The following CBLC variants were observed in gnomAD, a reference collection of about 807,000 sequenced individuals.
The protein encoded by CBLC is Cbl proto-oncogene C.
CBLC carries 46 observed loss-of-function variants against 58.6 expected under a neutral mutation model. That is an observed-to-expected ratio of 0.79 (90% CI 0.62 to 1.00). The LOEUF (loss-of-function observed/expected upper bound fraction) is 1.00. CBLC is among the 50% of genes least tolerant of loss of function. The pLI, the probability that CBLC is intolerant of heterozygous loss-of-function variation, is 0.00. For synonymous variants in CBLC, 271 were observed against 264.2 expected (o/e 1.03, Z -0.25); for missense variants, 655 against 625.8 (o/e 1.05, Z -0.50).
At position 44,778,075 on chromosome 19, in the gene CBLC, GC is replaced by G. The variant is rs1379986656; in HGVS notation, c.148del (p.Arg50AlafsTer229). 1.9e-6 allele frequency: 3 copies of G among 1,608,226 alleles called. No individual in the cohort carries two copies. Among genetic ancestry groups the G allele is most frequent in the Non-Finnish European group, 2.5e-6 (3 of 1,179,568 alleles). The part of the protein sequence containing the change: ...VSPPSLRDLL[P>X]RTAQLLREVA... Reference sequence around the variant, plus strand: ...GTCCCCCTTCGCTGCGGGACCTGCTGCCCCGCACAGCGCAGCTGCTTCGAGA... The same window carrying G: ...GTCCCCCTTCGCTGCGGGACCTGCTGCCCGCACAGCGCAGCTGCTTCGAGA... On this transcript the variant is annotated frameshift_variant, in exon 1 of 11. Coordinates refer to ENST00000647358, the MANE Select transcript of CBLC (RefSeq NM_012116.4). LOFTEE classifies it high-confidence loss of function.
chr19:44,793,710 A>AAGG, intron 8 of CBLC, 90 bp downstream of exon 8: 34 of 1,272,574 alleles, frequency 2.7e-5, no homozygotes, highest in African/African-American at 4.6e-5. Flanking sequence ...CTGAGGGAGG[A>AAGG]GAGACTGGGG....
intron 7 of CBLC, among the ~76,000 whole-genome samples, chr19:44,792,898 G>A (rs1458126407): frequency 6.6e-6 from 1 of 152,118 alleles, no homozygotes; most frequent in East Asian, 1.9e-4. Context: ...TGTAATCTCA[G>A]CACTTTGGGA....
chr19:44,784,950 G>GTTTGTTTTT (rs1967850075), intron 5 of CBLC, among the ~76,000 whole-genome samples: 6 of 34,372 alleles, frequency 1.7e-4, no homozygotes, highest in South Asian at 1.2e-3. Flanking sequence ...CTAGACAGGT[G>GTTTGTTTTT]TTTTTTTTTT....
intron 9 of CBLC, 97 bp from the exon 10 acceptor site, chr19:44,800,284 G>T: frequency 1.2e-6 from 1 of 832,358 alleles, no homozygotes; most frequent in South Asian, 1.4e-5. Flanking sequence ...GGTGGTCTGG[G>T]ACTCCCAGGT....
At chr19:44,788,479 CT>C (rs1293573931) in intron 5 of CBLC, among the ~76,000 whole-genome samples, 2,895 of 118,546 alleles carry the variant, frequency 0.024, 23 homozygotes, top group African/African-American at 0.043. Context: ...TTTAAAATTT[CT>C]TTTTTTTTTT....
intron 8 of CBLC, chr19:44,794,000 G>A: frequency 5.4e-6 from 2 of 372,976 alleles, no homozygotes; most frequent in Non-Finnish European, 7.4e-6. Flanking sequence ...CAGGTCCTAG[G>A]GAACTGGTCT....
chr19:44,784,956 T>TTTTG (rs1599862347), intron 5 of CBLC, among the ~76,000 whole-genome samples: 6 of 91,566 alleles, frequency 6.6e-5, no homozygotes, highest in East Asian at 5.7e-4. Flanking sequence ...AGGTGTTTTT[T>TTTTG]TTTTTTTTTT....
At chr19:44,795,100 G>A (rs182654614) in intron 9 of CBLC, among the ~76,000 whole-genome samples, 1 of 152,144 alleles carries the variant, frequency 6.6e-6, no homozygotes, top group African/African-American at 2.4e-5. Flanking sequence ...TGGGACTACA[G>A]GCACCCACCA....
intron 9 of CBLC, 120 bp downstream of exon 9, chr19:44,794,401 G>A (rs1231402769): frequency 6.7e-6 from 5 of 742,846 alleles, no homozygotes; most frequent in Non-Finnish European, 1.1e-5. Flanking sequence ...CCATTTCCAA[G>A]GCACCCATCC....
At chr19:44,789,658 T>C (rs561179812) in intron 5 of CBLC, among the ~76,000 whole-genome samples, 1 of 152,338 alleles carries the variant, frequency 6.6e-6, no homozygotes, top group South Asian at 2.1e-4. Flanking sequence ...CCCAAAGTGC[T>C]GGGATTACAG....
rs1236477787 is a variant in CBLC, at chr19:44,792,425, C to T, written c.1048C>T (p.Leu350Phe). 6.2e-7 allele frequency: 1 copy of T among 1,613,736 alleles called. No homozygotes were observed. Among genetic ancestry groups the T allele is most frequent in the Non-Finnish European group, 8.5e-7 (1 of 1,179,928 alleles). ...CTGGGCCATGGACTCCACATTTGAG[C>T]TCTGCAAGATCTGTGCTGAGAGCAA... is the stretch of plus-strand genomic sequence containing the variant. Reference protein sequence around the residue: ...LYWAMDSTFELCKICAESNKD... With the variant: ...LYWAMDSTFEFCKICAESNKD... The change falls in exon 7 of 11, where the codon CTC (leucine) becomes TTC (phenylalanine). Residue 350 changes from leucine (L) to phenylalanine (F), a missense_variant. By Grantham distance (22) the Leu-to-Phe change is conservative. Coordinates refer to ENST00000647358, the MANE Select transcript of CBLC (RefSeq NM_012116.4).
At position 44,778,295 on chromosome 19, in the gene CBLC, G is replaced by C; in HGVS notation, c.353+11G>C. On this transcript the variant is annotated intron_variant, in intron 1 of 10. Coordinates refer to ENST00000647358, the MANE Select transcript of CBLC (RefSeq NM_012116.4). The stretch of plus-strand genomic sequence containing the variant: ...GGGCTCCAGACTCAGGTGAGCCTTC[G>C]CCCCAGAACAAAGTCCTCTGGGGTG... The C allele has an allele frequency of 3.5e-6, 5 of 1,425,114 alleles. No homozygotes were observed. Among genetic ancestry groups the C allele is most frequent in the Non-Finnish European group, 4.6e-6 (5 of 1,093,204 alleles). The allele number at this position is 1,425,114 out of a possible 1,614,324, so 88.3% of individuals were successfully genotyped here. A position where few individuals can be genotyped will look rare whatever the true frequency, so the allele number is the denominator to read the frequency against.
At position 44,780,967 on chromosome 19, in the gene CBLC, T is replaced by TC; in HGVS notation, c.420dup (p.Gly141ArgfsTer34). 1.9e-6 allele frequency: 3 copies of TC among 1,613,456 alleles called. No individual in the cohort carries two copies. The highest frequency in any genetic ancestry group is 2.2e-5 in the East Asian group (1 of 44,880). On this transcript the variant is annotated frameshift_variant, in exon 2 of 11. Transcript: ENST00000647358. LOFTEE classifies it high-confidence loss of function. ...ATGCACGCAGAGCTGCACGCACTCT[T>TC]CCCCGGGGGAAAGTACTGTGGACAC... is the stretch of plus-strand genomic sequence containing the variant.
chr19:44,778,393 G>A, intron 1 of CBLC, 109 bp downstream of exon 1: 1 of 1,032,428 alleles, frequency 9.7e-7, no homozygotes, highest in African/African-American at 3.2e-5. Context: ...TCCTCCCTCA[G>A]ACCCAGGAAC....
At chr19:44,794,055 C>A in intron 8 of CBLC, 149 bp from the exon 9 acceptor site, 8 of 1,367,488 alleles carry the variant, frequency 5.9e-6, no homozygotes, top group Non-Finnish European at 7.8e-6. Flanking sequence ...CTGGCTGTAA[C>A]CCTCCTAAGT....
At chr19:44,780,469 A>ATTTTTTT in intron 1 of CBLC, among the ~76,000 whole-genome samples, 1 of 112,428 alleles carries the variant, frequency 8.9e-6, no homozygotes, top group Non-Finnish European at 1.8e-5. Flanking sequence ...ATCGTTTTTA[A>ATTTTTTT]TTTTTTTTTT....
chr19:44,795,731 G>A (rs2122506242), intron 9 of CBLC, among the ~76,000 whole-genome samples: 1 of 152,304 alleles, frequency 6.6e-6, no homozygotes, highest in East Asian at 1.9e-4. Context: ...AGAGCTTAGG[G>A]TTGGTTTTGT....
rs1486005385 is a variant in CBLC at position 44,784,277 on chromosome 19, C to T, written c.793C>T (p.Pro265Ser). ...RDKPGSYIFR[P>S]SCTRLGQWAI... ...CTCTCCCTCCAGTTACATCTTCCGGCCCAGCTGTACTCGCCTGGGGCAGTG... is the reference window on the plus strand; with the variant it reads ...CTCTCCCTCCAGTTACATCTTCCGGTCCAGCTGTACTCGCCTGGGGCAGTG... Residue 265 changes from proline to serine, a missense_variant, in exon 5 of 11, where the codon CCC becomes TCC. Physicochemically the swap from Pro to Ser is moderately conservative, Grantham distance 74. Transcript: ENST00000647358. The T allele has an allele frequency of 1.9e-6, 3 of 1,571,028 alleles. No individual in the cohort carries two copies. Among genetic ancestry groups the T allele is most frequent in the Non-Finnish European group, 2.6e-6 (3 of 1,146,028 alleles).
intron 6 of CBLC, among the ~76,000 whole-genome samples, chr19:44,792,108 C>T (rs1487736087): frequency 1.3e-5 from 2 of 151,872 alleles, no homozygotes; most frequent in African/African-American, 4.8e-5. Context: ...ATTCTCCTGC[C>T]TCAGCCTCCT....
Sources: allele counts gnomAD v4.1 joint callset (sites outside exome capture counted in the v4.1 genomes callset), GRCh38; gene constraint gnomAD v4.1.1; transcripts MANE v1.5; gene names NCBI Gene and HGNC (gene_info 2026-07-23, HGNC 2026-07-21).